MPPED2: variants seen among roughly 807,000 people sequenced by gnomAD.
The protein encoded by MPPED2 is metallophosphoesterase domain containing 2.
A neutral mutation model predicts 33.0 loss-of-function variants in MPPED2; 5 were observed. That is an observed-to-expected ratio of 0.15 (90% CI 0.08 to 0.32). MPPED2 has a LOEUF of 0.32. MPPED2 is among the 10% of genes least tolerant of loss of function. The pLI, the probability that MPPED2 is intolerant of heterozygous loss-of-function variation, is 1.00. For missense variants in MPPED2, 275 were observed against 372.1 expected, an observed-to-expected ratio of 0.74 and a Z score of 2.15; for synonymous variants, 136 against 141.9, an observed-to-expected ratio of 0.96 and a Z score of 0.29.
intron 3 of MPPED2, among the ~76,000 whole-genome samples, chr11:30,527,538 G>C (rs1954267392): frequency 6.6e-6 from 1 of 152,080 alleles, no homozygotes; most frequent in African/African-American, 2.4e-5. Flanking sequence ...GAGGGGAGAG[G>C]ACAGGAAATG....
intron 4 of MPPED2, among the ~76,000 whole-genome samples, chr11:30,430,769 T>C (rs1949044585): frequency 2.0e-5 from 3 of 152,206 alleles, no homozygotes; most frequent in Admixed American, 1.3e-4. Context: ...ATTATGCAAA[T>C]GTTAATTCTG....
At chr11:30,440,049 G>A (rs958099024) in intron 4 of MPPED2, among the ~76,000 whole-genome samples, 1 of 152,186 alleles carries the variant, frequency 6.6e-6, no homozygotes, top group African/African-American at 2.4e-5. Context: ...TTTTACTGGG[G>A]CTGGGTATGG....
rs147088027 is a variant in MPPED2 at position 30,558,621 on chromosome 11, T to C, written c.128+21625A>G. Among the ~76,000 whole-genome samples the C allele has an allele frequency of 9.1e-3, 1,383 of 151,632 alleles. 27 individuals are homozygous for C. Among genetic ancestry groups the C allele is most frequent in the Admixed American group, 0.05 (768 of 15,244 alleles). On this transcript the variant is annotated intron_variant, in intron 2 of 6. Transcript: ENST00000358117. ...ATTTTTGATAGAGACAGGGTCTTGC[T>C]ATGTTGCCCAGGGTAGTCTCAAACT...
intron 6 of MPPED2, among the ~76,000 whole-genome samples, chr11:30,390,542 A>C (rs921023868): frequency 1.3e-5 from 2 of 152,218 alleles, no homozygotes; most frequent in Non-Finnish European, 2.9e-5. Flanking sequence ...TATCACTGCC[A>C]TTGATTGCCC....
At chr11:30,387,138 A>C (rs1374856684) in exon 7 of MPPED2, 2 of 181,386 alleles carry the variant, frequency 1.1e-5, no homozygotes, top group East Asian at 2.7e-4. Flanking sequence ...CATCTAAGCC[A>C]CTCTCTCATT....
At chr11:30,435,808 A>T (rs1479932955) in intron 4 of MPPED2, among the ~76,000 whole-genome samples, 1 of 152,150 alleles carries the variant, frequency 6.6e-6, no homozygotes, top group African/African-American at 2.4e-5. Flanking sequence ...TGAAATCAGT[A>T]AGTGGCAGAG....
chr11:30,447,181 T>C (rs560807552), intron 4 of MPPED2, among the ~76,000 whole-genome samples: 4 of 152,276 alleles, frequency 2.6e-5, no homozygotes, highest in Non-Finnish European at 4.4e-5. Flanking sequence ...GTCCTATCTG[T>C]ATGTGACAGA....
Position 30,495,313 on chromosome 11 carries a change from C to G in MPPED2, c.519G>C (p.Arg173Ser), listed in dbSNP as rs1293470532. ...TCACTTACCAAGGTGCACCGTATAT[C>G]CTGAATCCCTTCACTGTTACCTCCG... ...QDSEVTVKGFRIYGAPWTPWF... is the reference protein window; with the variant it reads ...QDSEVTVKGFSIYGAPWTPWF... Residue 173 changes from arginine to serine, a missense_variant, in exon 4 of 7, where the codon AGG becomes AGC. Transcript: ENST00000358117. The G allele has an allele frequency of 3.7e-6, 6 of 1,613,142 alleles. No individual in the cohort carries two copies. Among genetic ancestry groups the G allele is most frequent in the African/African-American group, 1.3e-5 (1 of 74,896 alleles).
chr11:30,523,306 G>T (rs542406304), intron 3 of MPPED2, among the ~76,000 whole-genome samples: 9 of 152,220 alleles, frequency 5.9e-5, no homozygotes, highest in African/African-American at 1.9e-4. Context: ...GGCAGGCTGG[G>T]GGGAGGTGGG....
chr11:30,564,324 A>G (rs1383793334), intron 2 of MPPED2, among the ~76,000 whole-genome samples: 1 of 152,282 alleles, frequency 6.6e-6, no homozygotes, highest in East Asian at 1.9e-4. Flanking sequence ...GCTGCACTGG[A>G]AGGTCTTCTA....
rs143088964 is a variant in MPPED2, at chr11:30,514,047, G to A, written c.311-18526C>T. Among the ~76,000 whole-genome samples, 140 of 152,228 alleles carry A rather than the reference G, an allele frequency of 9.2e-4. 1 individual carries two copies. The highest frequency in any genetic ancestry group is 3.0e-3 in the African/African-American group (126 of 41,534). ...GACTCATTAAGCAGATGCTATTGAT[G>A]GCACATTCAAATCTTCACCCCACCT... is the stretch of plus-strand genomic sequence containing the variant. On this transcript the variant is annotated intron_variant, in intron 3 of 6. Transcript: ENST00000358117.
At chr11:30,485,349 T>C (rs1416872921) in intron 4 of MPPED2, among the ~76,000 whole-genome samples, 1 of 144,824 alleles carries the variant, frequency 6.9e-6, no homozygotes, top group Non-Finnish European at 1.5e-5. Context: ...TAAATAGTAG[T>C]TATTATTATT....
At chr11:30,533,013 G>A (rs1954612014) in intron 3 of MPPED2, among the ~76,000 whole-genome samples, 2 of 152,150 alleles carry the variant, frequency 1.3e-5, no homozygotes, top group Admixed American at 1.3e-4. Context: ...TAGCCAAACA[G>A]CTACTCAACT....
At chr11:30,562,572 A>G (rs1045445204) in intron 2 of MPPED2, among the ~76,000 whole-genome samples, 1 of 152,186 alleles carries the variant, frequency 6.6e-6, no homozygotes, top group Non-Finnish European at 1.5e-5. Flanking sequence ...ATCTTATTTT[A>G]GACATGTTCT....
chr11:30,458,475 G>T (rs1219802589), intron 4 of MPPED2, among the ~76,000 whole-genome samples: 1 of 152,136 alleles, frequency 6.6e-6, no homozygotes, highest in Admixed American at 6.5e-5. Context: ...TTAGAAATCA[G>T]CAAAAAGATC....
intron 4 of MPPED2, among the ~76,000 whole-genome samples, chr11:30,459,463 A>T (rs1950431422): frequency 6.6e-6 from 1 of 152,194 alleles, no homozygotes; most frequent in Non-Finnish European, 1.5e-5. Flanking sequence ...ATAAAACCTA[A>T]ACTATGGCTT....
chr11:30,583,899 A>C (rs1957313819), intron 1 of MPPED2, among the ~76,000 whole-genome samples: 2 of 152,138 alleles, frequency 1.3e-5, no homozygotes, highest in African/African-American at 4.8e-5. Context: ...GCCTGCTCCA[A>C]ATCCGCCAAA....
At chr11:30,424,019 T>C (rs999660624) in intron 4 of MPPED2, among the ~76,000 whole-genome samples, 1 of 152,188 alleles carries the variant, frequency 6.6e-6, no homozygotes, top group East Asian at 1.9e-4. Context: ...GTGGAAGTTT[T>C]TCAGAAAGCC....
At chr11:30,421,109 C>A (rs769982838) in intron 4 of MPPED2, among the ~76,000 whole-genome samples, 1 of 152,156 alleles carries the variant, frequency 6.6e-6, no homozygotes, top group Non-Finnish European at 1.5e-5. Flanking sequence ...GTTGTTACAA[C>A]GAGGAGATCT....
Sources: gnomAD v4.1 joint callset for allele counts (sites outside exome capture counted in the v4.1 genomes callset) on GRCh38, gnomAD v4.1.1 for gene constraint, MANE v1.5 for transcripts, NCBI Gene and HGNC (gene_info 2026-07-23, HGNC 2026-07-21) for gene names.